FAAH: variants seen among roughly 807,000 people sequenced by gnomAD.
FAAH encodes fatty-acid amide hydrolase 1.
FAAH carries 63 observed loss-of-function variants against 69.7 expected under a neutral mutation model. The observed-to-expected ratio is 0.90, with a 90% confidence interval of 0.74 to 1.12. The LOEUF (loss-of-function observed/expected upper bound fraction) is 1.12, where lower values mean the gene tolerates loss of function less well. Ranked by LOEUF, FAAH falls within the 50% of genes most tolerant of loss-of-function variation. FAAH has a pLI of 0.00. For synonymous variants in FAAH, 305 were observed against 324.2 expected, an observed-to-expected ratio of 0.94 and a Z score of 0.64; for missense variants, 680 against 755.0, an observed-to-expected ratio of 0.90 and a Z score of 1.16.
rs964628520 is a variant in FAAH, at chr1:46,405,276, A to G, written c.445-96A>G. Reference sequence around the variant, plus strand: ...AGAGGCCTTCCGAGGGGACACTGGTATACCTGTTTTGGCCTGTGTGACAGT... The same window carrying G: ...AGAGGCCTTCCGAGGGGACACTGGTGTACCTGTTTTGGCCTGTGTGACAGT... On this transcript the variant is annotated intron_variant, in intron 3 of 14. Transcript: ENST00000243167. This position sits in a 1 kb window ranked among gnomAD's most constrained non-coding sequence, Gnocchi z 4.1. 10 of 1,607,110 alleles carry G rather than the reference A, an allele frequency of 6.2e-6. No homozygotes were observed. The African/African-American group carries it at 1.2e-4, about 19-fold the overall frequency.
chr1:46,411,679 A>G lies in FAAH; in HGVS notation c.1356+28A>G, dbSNP rs547315323. ...GAGGCCAGAGCCTCTGGATTGGAGC[A>G]GGGTGGTGGGGGGAGGGTGGAGTTG... On this transcript the variant is annotated intron_variant, in intron 12 of 14. Coordinates refer to ENST00000243167, the MANE Select transcript of FAAH (RefSeq NM_001441.3). The surrounding 1 kb of genome is among the most constrained non-coding windows in gnomAD (Gnocchi z 4.8). 4 of 1,290,792 alleles carry G rather than the reference A, an allele frequency of 3.1e-6. No individual in the cohort carries two copies. The highest frequency in any genetic ancestry group is 2.5e-5 in the East Asian group (1 of 39,950). The allele number at this position is 1,290,792 out of a possible 1,614,324, so 80.0% of individuals were successfully genotyped here. A position where few individuals can be genotyped will look rare whatever the true frequency, so the allele number is the denominator to read the frequency against.
chr1:46,399,348 G>A (rs979187412), intron 1 of FAAH, among the ~76,000 whole-genome samples: 1 of 152,212 alleles, frequency 6.6e-6, no homozygotes, highest in African/African-American at 2.4e-5. Flanking sequence ...TCAGGTTTCC[G>A]CATGTTCACT....
chr1:46,406,033 T>C lies in FAAH; in HGVS notation c.786-5T>C. The C allele has an allele frequency of 6.2e-7, 1 of 1,614,172 alleles. No individual in the cohort carries two copies. The highest frequency in any genetic ancestry group is 1.6e-4 in the Middle Eastern group (1 of 6,062). ...TGTTTCCAGCATCTTATGTTTCTTA[T>C]CCAGCAAGAGTGGCCTGAAGGGCTG... On this transcript the variant is annotated splice_polypyrimidine_tract_variant and splice_region_variant and intron_variant, in intron 5 of 14. Coordinates refer to ENST00000243167, the MANE Select transcript of FAAH (RefSeq NM_001441.3).
chr1:46,412,393 A>G (rs1213444048), intron 13 of FAAH, 142 bp downstream of exon 13: 4 of 716,706 alleles, frequency 5.6e-6, no homozygotes, highest in African/African-American at 1.7e-5. Context: ...CATGGCAGTC[A>G]TGTGGGTTGC....
intron 1 of FAAH, among the ~76,000 whole-genome samples, chr1:46,396,878 A>T (rs781645359): frequency 2.0e-5 from 3 of 152,168 alleles, no homozygotes; most frequent in Non-Finnish European, 4.4e-5. Flanking sequence ...TAATGTATGA[A>T]TTTACTCCAA....
chr1:46,408,201 C>G lies in FAAH; in HGVS notation c.952-258C>G, dbSNP rs79327585. On this transcript the variant is annotated intron_variant, in intron 7 of 14. Transcript: ENST00000243167. ...CTGCATTGGGTAGCTTTGGGCAAGT[C>G]CCAGTCCCACCTAATCTCCCTATTG... Among the ~76,000 whole-genome samples the G allele has an allele frequency of 2.0e-3, 299 of 152,262 alleles. 5 individuals carry two copies. In the Middle Eastern group the frequency reaches 0.037, roughly 19 times the overall value.
chr1:46,396,953 C>T (rs568206214), intron 1 of FAAH, among the ~76,000 whole-genome samples: 5 of 152,340 alleles, frequency 3.3e-5, no homozygotes, highest in African/African-American at 1.2e-4. Flanking sequence ...CTGGTTCCAG[C>T]CTCCACTCAC....
rs78915612 is a variant in FAAH at position 46,410,994 on chromosome 1, T to C, written c.1316+140T>C. On this transcript the variant is annotated intron_variant, in intron 11 of 14. Coordinates refer to ENST00000243167, the MANE Select transcript of FAAH (RefSeq NM_001441.3). This position sits in a 1 kb window ranked among gnomAD's most constrained non-coding sequence, Gnocchi z 4.9. ...GGCCCAGGCAGGGGGGCAACCTTTG[T>C]GGCCTTCAGATGGGACTTTGAAGTT... 2,288 of 991,110 alleles carry C rather than the reference T, an allele frequency of 2.3e-3. 22 individuals carry two copies. The highest frequency in any genetic ancestry group is 0.022 in the East Asian group (857 of 39,420). 61.4% of individuals were successfully genotyped at this position (991,110 alleles called of 1,614,324 possible).
Position 46,405,702 on chromosome 1 carries a change from C to G in FAAH, c.693C>G (p.Pro231=), listed in dbSNP as rs72890799. 9.9e-4 allele frequency: 1,597 copies of G among 1,613,602 alleles called. 14 individuals carry two copies. The African/African-American group carries it at 0.019, about 19-fold the overall frequency. The change falls in exon 5 of 15, where the codon CCC becomes CCG. Residue 231 remains proline (P), a synonymous_variant. Transcript: ENST00000243167. This position sits in a 1 kb window ranked among gnomAD's most constrained non-coding sequence, Gnocchi z 4.1. ...CCCTCATCGGGTCTGGAGGCTCCCC[C>G]CTGGGCTTAGGCACTGATATCGGAG... ...EGALIGSGGS[P]LGLGTDIGGS...
At chr1:46,409,733 A>G (rs1198539949) in intron 9 of FAAH, among the ~76,000 whole-genome samples, 4 of 152,150 alleles carry the variant, frequency 2.6e-5, no homozygotes, top group African/African-American at 7.2e-5. Context: ...CAGGCCTGCA[A>G]AGGTGCCTCC....
Position 46,405,988 on chromosome 1 carries a change from GGC to G in FAAH, c.786-48_786-47del, listed in dbSNP as rs777891928. 6 of 1,613,844 alleles carry G rather than the reference GGC, an allele frequency of 3.7e-6. No individual in the cohort carries two copies. In the East Asian group the frequency reaches 8.9e-5, roughly 24 times the overall value. ...AGAGCTGCTCTGTGGGTGTGGGGAT[GGC>G]GGCGGGTGGCCATTTCCTGTTTCCA... is the stretch of plus-strand genomic sequence containing the variant. On this transcript the variant is annotated intron_variant, in intron 5 of 14. Transcript: ENST00000243167. This position sits in a 1 kb window ranked among gnomAD's most constrained non-coding sequence, Gnocchi z 4.1.
At chr1:46,413,376 G>A in intron 14 of FAAH, 71 bp from the exon 15 acceptor site, 1 of 1,612,390 alleles carries the variant, frequency 6.2e-7, no homozygotes, top group Non-Finnish European at 8.5e-7. Context: ...TCTCTAGCTG[G>A]GTGCTTCCTG....
Position 46,411,212 on chromosome 1 carries a change from C to T in FAAH, c.1316+358C>T, listed in dbSNP as rs561789550. Among the ~76,000 whole-genome samples the T allele has an allele frequency of 6.6e-5, 10 of 152,326 alleles. No individual in the cohort carries two copies. In the South Asian group the frequency reaches 1.7e-3, roughly 25 times the overall value. ...TAGAGATCTGAGCTGACCTGAGCTG[C>T]GCCAGGCCCTACTTGCCCCTTAGTG... On this transcript the variant is annotated intron_variant, in intron 11 of 14. Coordinates refer to ENST00000243167, the MANE Select transcript of FAAH (RefSeq NM_001441.3). The surrounding 1 kb of genome is among the most constrained non-coding windows in gnomAD (Gnocchi z 4.8).
rs146295585 is a variant in FAAH at position 46,405,103 on chromosome 1, G to A, written c.399G>A (p.Leu133=). ...TQLSQAPRQG[L]LYGVPVSLKE... is the part of the protein sequence containing the mutation. ...TGTCTCAGGCCCCAAGGCAGGGCCT[G>A]CTCTATGGCGTCCCTGTGAGCCTCA... is the stretch of plus-strand genomic sequence containing the variant. The change falls in exon 3 of 15, where the codon CTG becomes CTA. Residue 133 remains leucine, a synonymous_variant. Transcript: ENST00000243167. The surrounding 1 kb of genome is among the most constrained non-coding windows in gnomAD (Gnocchi z 4.1). 11 of 1,613,910 alleles carry A rather than the reference G, an allele frequency of 6.8e-6. No homozygotes were observed. The African/African-American group carries it at 1.3e-4, about 20-fold the overall frequency.
Position 46,405,665 on chromosome 1 carries a change from G to T in FAAH, c.656G>T (p.Gly219Val), listed in dbSNP as rs780534501. 1.2e-6 allele frequency: 2 copies of T among 1,613,468 alleles called. No homozygotes were observed. Among genetic ancestry groups the T allele is most frequent in the Non-Finnish European group, 1.7e-6 (2 of 1,180,050 alleles). The change falls in exon 5 of 15, where the codon GGG (glycine) becomes GTG (valine). Residue 219 changes from glycine (G) to valine (V), a missense_variant. Gly to Val is a moderately radical substitution (Grantham distance 109). Coordinates refer to ENST00000243167, the MANE Select transcript of FAAH (RefSeq NM_001441.3). This position sits in a 1 kb window ranked among gnomAD's most constrained non-coding sequence, Gnocchi z 4.1. ...KSSKSPGGSS[G>V]GEGALIGSGG... is the part of the protein sequence containing the mutation. ...TCCAAAAGCCCAGGGGGCTCCTCAG[G>T]GGGTGAAGGGGCCCTCATCGGGTCT...
chr1:46,397,449 T>C (rs975406410), intron 1 of FAAH, among the ~76,000 whole-genome samples: 5 of 152,222 alleles, frequency 3.3e-5, no homozygotes. Flanking sequence ...GGAAATTACC[T>C]TTCAGGTTTC....
chr1:46,402,128 C>T lies in FAAH; in HGVS notation c.233C>T (p.Pro78Leu). Residue 78 changes from proline to leucine, a missense_variant, in exon 2 of 15, where the codon CCC (proline) becomes CTC (leucine). Physicochemically the swap from Pro to Leu is moderately conservative, Grantham distance 98. Transcript: ENST00000243167. ...DLDSEALLAL[P>L]LPQLVQKLHS... Reference sequence around the variant, plus strand: ...GACTCAGAGGCGCTGCTAGCCCTGCCCCTGCCTCAGCTGGTGCAGAAGTTA... The same window carrying T: ...GACTCAGAGGCGCTGCTAGCCCTGCTCCTGCCTCAGCTGGTGCAGAAGTTA... The T allele has an allele frequency of 1.2e-6, 2 of 1,610,390 alleles. No individual in the cohort carries two copies. The highest frequency in any genetic ancestry group is 1.7e-6 in the Non-Finnish European group (2 of 1,178,326).
At chr1:46,406,583 C>CT (rs34839737) in intron 7 of FAAH, among the ~76,000 whole-genome samples, 3,360 of 117,738 alleles carry the variant, frequency 0.029, 82 homozygotes, top group African/African-American at 0.061. Context: ...TTCTTTCTTT[C>CT]TTTTTTTTTT....
At chr1:46,412,094 G>T in intron 12 of FAAH, 49 bp from the exon 13 acceptor site, 1 of 1,480,090 alleles carries the variant, frequency 6.8e-7, no homozygotes, top group Non-Finnish European at 9.2e-7. Flanking sequence ...AAGAGCCTGG[G>T]GTGGGCTAGG....
Sources: allele counts gnomAD v4.1 joint callset (sites outside exome capture counted in the v4.1 genomes callset), GRCh38; gene constraint gnomAD v4.1.1; non-coding constraint Gnocchi (gnomAD v3.1); transcripts MANE v1.5; gene names NCBI Gene and HGNC (gene_info 2026-07-23, HGNC 2026-07-21).